Variants in TCP11L1 observed in about 807,000 individuals in gnomAD.
The protein encoded by TCP11L1 is T-complex protein 11-like protein 1.
A neutral mutation model predicts 48.9 loss-of-function variants in TCP11L1; 28 were observed. That is an observed-to-expected ratio of 0.57 (90% CI 0.42 to 0.78). TCP11L1 has a LOEUF of 0.78. TCP11L1 is among the 30% of genes least tolerant of loss of function. The pLI, the probability that TCP11L1 is intolerant of heterozygous loss-of-function variation, is 0.00. For missense variants in TCP11L1, 505 were observed against 613.4 expected (o/e 0.82, Z 1.87); for synonymous variants, 204 against 231.9 (o/e 0.88, Z 1.09).
chr11:33,044,235 G>T, intron 2 of TCP11L1: 1 of 225,412 alleles, frequency 4.4e-6, no homozygotes, highest in South Asian at 1.3e-4. Context: ...ATAAATTGCA[G>T]CTTGTATTGA....
rs1489753454 is a variant in TCP11L1, at chr11:33,058,123, A to G, written c.622A>G (p.Ile208Val). ...EVKKLKDIKE[I>V]VPLFREIFSV... ...TAAGAAACTAAAGGACATTAAGGAA[A>G]TAGTGCCCCTTTTCAGGTATGGAAA... The change falls in exon 5 of 10, where the codon ATA becomes GTA. Residue 208 changes from isoleucine to valine, a missense_variant. By Grantham distance (29) the Ile-to-Val change is conservative. This residue lies in a region of TCP11L1 where 335 missense variants were observed against 413.3 expected (regional missense o/e 0.81). Transcript: ENST00000334274. The G allele has an allele frequency of 4.3e-6, 7 of 1,613,436 alleles. No homozygotes were observed. Among genetic ancestry groups the G allele is most frequent in the Non-Finnish European group, 5.9e-6 (7 of 1,179,944 alleles).
At chr11:33,052,785 A>G (rs971046033) in intron 2 of TCP11L1, among the ~76,000 whole-genome samples, 86 of 152,240 alleles carry the variant, frequency 5.6e-4, no homozygotes, top group African/African-American at 1.9e-3. Flanking sequence ...ACTTAAGCTC[A>G]GGAGTTCGAG....
chr11:33,059,703 C>T lies in TCP11L1; in HGVS notation c.775+608C>T, dbSNP rs556723211. Reference sequence around the variant, plus strand: ...CAATGTATGATGAATTCCATTTGGCCTCTAACTTTGCTGACGAGGAGATGA... The same window carrying T: ...CAATGTATGATGAATTCCATTTGGCTTCTAACTTTGCTGACGAGGAGATGA... On this transcript the variant is annotated intron_variant, in intron 6 of 9. Transcript: ENST00000334274. 4.4e-4 allele frequency among the ~76,000 whole-genome samples: 67 copies of T among 152,286 alleles called. No individual in the cohort carries two copies. The South Asian group carries it at 0.013, about 30-fold the overall frequency.
intron 5 of TCP11L1, among the ~76,000 whole-genome samples, chr11:33,058,602 C>T (rs1854383957): frequency 6.6e-6 from 1 of 151,578 alleles, no homozygotes; most frequent in South Asian, 2.1e-4. Flanking sequence ...GACATTTACT[C>T]ATAATTTTAC....
chr11:33,058,965 T>G lies in TCP11L1; in HGVS notation c.645T>G (p.Ile215Met), dbSNP rs766980041. Reference sequence around the variant, plus strand: ...AAATCCTTTTTTCTTTCAGAGAAATTTTTTCTGTGTTGGACCTAATGAAAG... The same window carrying G: ...AAATCCTTTTTTCTTTCAGAGAAATGTTTTCTGTGTTGGACCTAATGAAAG... ...IKEIVPLFRE[I>M]FSVLDLMKVD... The change falls in exon 6 of 10, where the codon ATT becomes ATG. Residue 215 changes from isoleucine (I) to methionine (M), a missense_variant. Physicochemically the swap from Ile to Met is conservative, Grantham distance 10. Around this residue, in one of 3 missense-constraint regions of TCP11L1, gnomAD observed 335 missense variants for 413.3 expected, o/e 0.81. Coordinates refer to ENST00000334274, the MANE Select transcript of TCP11L1 (RefSeq NM_018393.4). 29 of 1,611,796 alleles carry G rather than the reference T, an allele frequency of 1.8e-5. No individual in the cohort carries two copies. Among genetic ancestry groups the G allele is most frequent in the Non-Finnish European group, 2.3e-5 (27 of 1,179,474 alleles).
intron 2 of TCP11L1, among the ~76,000 whole-genome samples, chr11:33,048,845 C>G (rs1391258291): frequency 6.6e-6 from 1 of 151,988 alleles, no homozygotes; most frequent in Non-Finnish European, 1.5e-5. Flanking sequence ...CCGTACTCAA[C>G]AGAGTCCAGA....
intron 2 of TCP11L1, among the ~76,000 whole-genome samples, chr11:33,050,184 C>T (rs1173989475): frequency 6.6e-6 from 1 of 152,224 alleles, no homozygotes; most frequent in Non-Finnish European, 1.5e-5. Context: ...AACAACATCT[C>T]AAGGCAGAAG....
At chr11:33,057,077 G>A in intron 3 of TCP11L1, 38 bp from the exon 4 acceptor site, 1 of 1,611,652 alleles carries the variant, frequency 6.2e-7, no homozygotes, top group Non-Finnish European at 8.5e-7. Flanking sequence ...CAAATATTTT[G>A]GTTTTTGCCC....
chr11:33,054,734 G>T lies in TCP11L1; in HGVS notation c.296+9G>T, dbSNP rs1383127766. The T allele has an allele frequency of 6.2e-7, 1 of 1,609,714 alleles. No individual in the cohort carries two copies. Among genetic ancestry groups the T allele is most frequent in the Non-Finnish European group, 8.5e-7 (1 of 1,178,248 alleles). ...GAATTACCAGAAAACAGGTAAGGTG[G>T]TTGCTAAATTATCTTGCTTAGTAGA... On this transcript the variant is annotated intron_variant, in intron 3 of 9. Transcript: ENST00000334274.
At chr11:33,070,740 T>C (rs1175221969) in intron 9 of TCP11L1, among the ~76,000 whole-genome samples, 4 of 147,436 alleles carry the variant, frequency 2.7e-5, no homozygotes, top group Non-Finnish European at 4.5e-5. Context: ...TGATGACTCA[T>C]GCCTGTAATC....
chr11:33,052,062 C>G (rs886521591), intron 2 of TCP11L1, among the ~76,000 whole-genome samples: 1 of 151,314 alleles, frequency 6.6e-6, no homozygotes, highest in Non-Finnish European at 1.5e-5. Context: ...AATAATATAC[C>G]CATAGAGGGG....
intron 3 of TCP11L1, among the ~76,000 whole-genome samples, chr11:33,055,191 A>C (rs186672030): frequency 8.1e-4 from 123 of 152,378 alleles, no homozygotes; most frequent in Non-Finnish European, 5.1e-4. Flanking sequence ...GATTTTAAGA[A>C]AGATCCAAGT....
At chr11:33,060,147 T>A (rs897280950) in intron 6 of TCP11L1, among the ~76,000 whole-genome samples, 1 of 152,150 alleles carries the variant, frequency 6.6e-6, no homozygotes, top group African/African-American at 2.4e-5. Flanking sequence ...CCTCACTCTG[T>A]CACCCAGGCT....
chr11:33,046,353 G>T (rs1316248596), intron 2 of TCP11L1, among the ~76,000 whole-genome samples: 3 of 152,252 alleles, frequency 2.0e-5, no homozygotes, highest in African/African-American at 7.2e-5. Context: ...TTGGCATCTT[G>T]TCAGCCTGAT....
intron 2 of TCP11L1, among the ~76,000 whole-genome samples, chr11:33,050,488 T>A (rs917968479): frequency 2.0e-5 from 3 of 152,144 alleles, no homozygotes; most frequent in East Asian, 1.9e-4. Context: ...AGAAATAATT[T>A]AAAAATAAGC....
chr11:33,066,131 G>A lies in TCP11L1; in HGVS notation c.1154+120G>A, dbSNP rs1854611616. The A allele has an allele frequency of 3.5e-5, 45 of 1,299,266 alleles. No individual in the cohort carries two copies. In the South Asian group the frequency reaches 6.1e-4, roughly 17 times the overall value. 80.5% of individuals were successfully genotyped at this position (1,299,266 alleles called of 1,614,324 possible). On this transcript the variant is annotated intron_variant, in intron 8 of 9. Coordinates refer to ENST00000334274, the MANE Select transcript of TCP11L1 (RefSeq NM_018393.4). ...AGGGCCACTCTCTAGGAACTGAGAA[G>A]AAACCTTGCTGTCTCAGTTGGTTCA...
intron 2 of TCP11L1, among the ~76,000 whole-genome samples, chr11:33,051,268 C>T (rs904233352): frequency 2.0e-5 from 3 of 151,692 alleles, no homozygotes; most frequent in Admixed American, 6.6e-5. Flanking sequence ...CCCGGGTTCA[C>T]GCCATTCTCT....
chr11:33,067,591 C>T (rs1007315381), intron 8 of TCP11L1, among the ~76,000 whole-genome samples: 1 of 152,226 alleles, frequency 6.6e-6, no homozygotes, highest in African/African-American at 2.4e-5. Context: ...TCTGTCAAAG[C>T]TCCCGCTGAG....
intron 5 of TCP11L1, among the ~76,000 whole-genome samples, chr11:33,058,560 A>T (rs1854381622): frequency 6.6e-6 from 1 of 152,076 alleles, no homozygotes; most frequent in Non-Finnish European, 1.5e-5. Flanking sequence ...AAAAAAAAAA[A>T]AAATTTGTAA....
Sources: allele counts gnomAD v4.1 joint callset (sites outside exome capture counted in the v4.1 genomes callset), GRCh38; gene constraint gnomAD v4.1.1; regional missense constraint gnomAD v4.1.1; transcripts MANE v1.5; gene names NCBI Gene and HGNC (gene_info 2026-07-23, HGNC 2026-07-21).